UGT1A10: variants seen among roughly 807,000 people sequenced by gnomAD.
The protein encoded by UGT1A10 is UDP glucuronosyltransferase family 1 member A10.
In UGT1A10, 49 loss-of-function variants were observed where a neutral mutation model predicts 45.8. That is an observed-to-expected ratio of 1.07 (90% CI 0.85 to 1.36). The LOEUF (loss-of-function observed/expected upper bound fraction) is 1.36. Among genes scored for constraint, UGT1A10 ranks in the 40% most tolerant of loss-of-function variants. The probability of loss-of-function intolerance (pLI) is 0.00; values close to 1 mark genes in which losing one functional copy is unlikely to be tolerated. For missense variants in UGT1A10, 745 were observed against 668.6 expected (o/e 1.11, Z -1.26); for synonymous variants, 284 against 249.7 (o/e 1.14, Z -1.29).
intron 1 of UGT1A10, among the ~76,000 whole-genome samples, chr2:233,685,455 T>C (rs2074739226): frequency 6.6e-6 from 1 of 152,196 alleles, no homozygotes; most frequent in Non-Finnish European, 1.5e-5. Flanking sequence ...CTACACCATC[T>C]AGGGCCAGTG....
At chr2:233,757,197 C>T (rs941417782) in intron 1 of UGT1A10, among the ~76,000 whole-genome samples, 2 of 149,716 alleles carry the variant, frequency 1.3e-5, no homozygotes, top group Non-Finnish European at 3.0e-5. Flanking sequence ...TCTGAATTTT[C>T]TGTGCCCAGG....
In UGT1A10 at chr2:233,637,294, G is replaced by C. The variant is rs759180117; in HGVS notation, c.772G>C (p.Val258Leu). Residue 258 changes from valine (V) to leucine (L), a missense_variant, in exon 1 of 5, where the codon GTT becomes CTT. Transcript: ENST00000344644. The stretch of plus-strand genomic sequence containing the variant: ...AATTTGGTTGTTGCGAACGGACTTT[G>C]TTTTGGACTATCCCAAACCCGTGAT... ...TSIWLLRTDF[V>L]LDYPKPVMPN... The C allele has an allele frequency of 6.2e-7, 1 of 1,613,964 alleles. No individual in the cohort carries two copies. Among genetic ancestry groups the C allele is most frequent in the Admixed American group, 1.7e-5 (1 of 60,022 alleles).
intron 1 of UGT1A10, among the ~76,000 whole-genome samples, chr2:233,654,238 T>A (rs537737971): frequency 1.6e-4 from 24 of 152,344 alleles, no homozygotes; most frequent in African/African-American, 5.8e-4. Context: ...ATTCTGTGAT[T>A]GTGATTTTTG....
At chr2:233,693,658 G>T in intron 1 of UGT1A10, 1 of 1,614,212 alleles carries the variant, frequency 6.2e-7, no homozygotes, top group South Asian at 1.1e-5. Context: ...ATTTGTTGGA[G>T]CCCTATCTAT....
Position 233,699,006 on chromosome 2 carries a change from C to G in UGT1A10, c.855+61629C>G, listed in dbSNP as rs35189350. On this transcript the variant is annotated intron_variant, in intron 1 of 4. Transcript: ENST00000344644. ...CAGGTGGTGATTCCTGCTGTAAGAACATGAGAGGCTGAGCCACCAGGCAGT... is the reference window on the plus strand; with the variant it reads ...CAGGTGGTGATTCCTGCTGTAAGAAGATGAGAGGCTGAGCCACCAGGCAGT... 5.9e-3 allele frequency among the ~76,000 whole-genome samples: 904 copies of G among 152,336 alleles called. 8 individuals carry two copies. The highest frequency in any genetic ancestry group is 0.014 in the Middle Eastern group (4 of 294).
chr2:233,672,511 A>C (rs762199881), intron 1 of UGT1A10: 3 of 1,613,780 alleles, frequency 1.9e-6, no homozygotes, highest in African/African-American at 2.7e-5. Context: ...TGTCCCCAGA[A>C]TTCTCTTAGG....
chr2:233,637,342 G>A lies in UGT1A10; in HGVS notation c.820G>A (p.Gly274Ser). The A allele has an allele frequency of 6.2e-7, 1 of 1,613,740 alleles. No individual in the cohort carries two copies. Among genetic ancestry groups the A allele is most frequent in the African/African-American group, 1.3e-5 (1 of 74,970 alleles). The change falls in exon 1 of 5, where the codon GGT becomes AGT. Residue 274 changes from glycine (G) to serine (S), a missense_variant. Coordinates refer to ENST00000344644, the MANE Select transcript of UGT1A10 (RefSeq NM_019075.4). ...PVMPNMIFIG[G>S]INCHQGKPLP... The stretch of plus-strand genomic sequence containing the variant: ...GATGCCCAACATGATCTTCATTGGT[G>A]GTATCAACTGTCATCAGGGAAAGCC...
chr2:233,643,727 G>C (rs751397824), intron 1 of UGT1A10, among the ~76,000 whole-genome samples: 1 of 152,134 alleles, frequency 6.6e-6, no homozygotes, highest in Admixed American at 6.5e-5. Flanking sequence ...TTTCACTGCT[G>C]GTATTCAGGT....
chr2:233,675,458 A>G (rs980040799), intron 1 of UGT1A10, among the ~76,000 whole-genome samples: 3 of 152,196 alleles, frequency 2.0e-5, no homozygotes, highest in African/African-American at 7.2e-5. Context: ...GGCTTTGTCT[A>G]TACCATCCAT....
At chr2:233,649,898 C>A (rs1559324766) in intron 1 of UGT1A10, among the ~76,000 whole-genome samples, 2 of 152,098 alleles carry the variant, frequency 1.3e-5, no homozygotes, top group Admixed American at 1.3e-4. Context: ...TGTGCTTTGT[C>A]TTCATTATCA....
chr2:233,771,986 A>T (rs897905900), intron 4 of UGT1A10, among the ~76,000 whole-genome samples: 3 of 152,212 alleles, frequency 2.0e-5, no homozygotes, highest in African/African-American at 7.2e-5. Context: ...ATAGTGGTGC[A>T]TGACTAATTC....
At chr2:233,686,854 G>A (rs2074808754) in intron 1 of UGT1A10, among the ~76,000 whole-genome samples, 1 of 151,966 alleles carries the variant, frequency 6.6e-6, no homozygotes, top group African/African-American at 2.4e-5. Flanking sequence ...CCCCACCTAT[G>A]TCTTTCCTTT....
chr2:233,678,162 C>A (rs963457253), intron 1 of UGT1A10, among the ~76,000 whole-genome samples: 1 of 152,030 alleles, frequency 6.6e-6, no homozygotes, highest in African/African-American at 2.4e-5. Flanking sequence ...ACTATGGACT[C>A]CTAAAAGGGA....
intron 1 of UGT1A10, among the ~76,000 whole-genome samples, chr2:233,748,859 T>G (rs1694048871): frequency 6.6e-6 from 1 of 151,492 alleles, no homozygotes; most frequent in Non-Finnish European, 1.5e-5. Flanking sequence ...TAAGCCCAGT[T>G]AAGCTGGGGA....
chr2:233,712,954 G>C, intron 1 of UGT1A10: 1 of 1,612,846 alleles, frequency 6.2e-7, no homozygotes, highest in East Asian at 2.2e-5. Context: ...GAGGCACAAC[G>C]TGGGGTGGAC....
At chr2:233,763,403 G>T (rs1219713616) in intron 1 of UGT1A10, among the ~76,000 whole-genome samples, 1 of 152,040 alleles carries the variant, frequency 6.6e-6, no homozygotes, top group Non-Finnish European at 1.5e-5. Context: ...CATGGCACTG[G>T]TATTTTTAAT....
At chr2:233,766,487 G>A (rs1575820615) in intron 1 of UGT1A10, among the ~76,000 whole-genome samples, 1 of 152,190 alleles carries the variant, frequency 6.6e-6, no homozygotes, top group Non-Finnish European at 1.5e-5. Context: ...TGATGGGGGC[G>A]TGGCAGGCCA....
At chr2:233,676,117 GACCC>G (rs1471691373) in intron 1 of UGT1A10, among the ~76,000 whole-genome samples, 1 of 152,146 alleles carries the variant, frequency 6.6e-6, no homozygotes, top group Non-Finnish European at 1.5e-5. Flanking sequence ...TTCAACAGAA[GACCC>G]ACCCTGGGGT....
At chr2:233,681,647 CA>C (rs768465689) in intron 1 of UGT1A10, among the ~76,000 whole-genome samples, 2 of 151,822 alleles carry the variant, frequency 1.3e-5, no homozygotes, top group Admixed American at 6.6e-5. Flanking sequence ...AGGCCAAAAG[CA>C]TTGCTTAATA....
Sources: gnomAD v4.1 joint callset for allele counts (sites outside exome capture counted in the v4.1 genomes callset) on GRCh38, gnomAD v4.1.1 for gene constraint, MANE v1.5 for transcripts, NCBI Gene and HGNC (gene_info 2026-07-23, HGNC 2026-07-21) for gene names.